KLF15: variants seen among roughly 807,000 people sequenced by gnomAD.
KLF15 encodes Krueppel-like factor 15.
KLF15 carries 4 observed loss-of-function variants against 24.6 expected under a neutral mutation model. That is an observed-to-expected ratio of 0.16 (90% CI 0.08 to 0.37). The LOEUF (loss-of-function observed/expected upper bound fraction) is 0.37, where lower values mean the gene tolerates loss of function less well. Ranked by LOEUF, KLF15 falls within the 10% of genes least tolerant of loss-of-function variation. The probability of loss-of-function intolerance (pLI) is 1.00; values close to 1 mark genes in which losing one functional copy is unlikely to be tolerated. For missense variants in KLF15, 496 were observed against 560.6 expected (o/e 0.88, Z 1.16); for synonymous variants, 246 against 236.3 (o/e 1.04, Z -0.37).
chr3:126,316,894 G>A, the KLF15 span, among the ~76,000 whole-genome samples: 1 of 152,286 alleles, frequency 6.6e-6, no homozygotes, highest in South Asian at 2.1e-4. Context: ...CCCTCAGGAA[G>A]GCATGAGAAC....
At chr3:126,292,695 C>G in the KLF15 span, among the ~76,000 whole-genome samples, 3 of 151,742 alleles carry the variant, frequency 2.0e-5, no homozygotes, top group East Asian at 1.9e-4. Flanking sequence ...GGGAGGTGTC[C>G]ATGGGGTTGA....
At position 126,356,018 on chromosome 3, in the gene KLF15, C is replaced by T. The variant is rs111239937; in HGVS notation, c.-26+1219G>A. 6.6e-6 allele frequency among the ~76,000 whole-genome samples: 1 copy of T among 152,206 alleles called. No individual in the cohort carries two copies. The highest frequency in any genetic ancestry group is 2.4e-5 in the African/African-American group (1 of 41,460). On this transcript the variant is annotated intron_variant, in intron 1 of 2. Transcript: ENST00000296233. This position sits in a 1 kb window ranked among gnomAD's most constrained non-coding sequence, Gnocchi z 4.4. ...CCGGGCACAGTCCCCGGCTGGCCGC[C>T]GGACTCCGCCCCCTCCCCTGGCCCG... is the stretch of plus-strand genomic sequence containing the variant.
At chr3:126,355,825 G>C (rs935530763) in intron 1 of KLF15, among the ~76,000 whole-genome samples, 4 of 152,236 alleles carry the variant, frequency 2.6e-5, no homozygotes, top group Non-Finnish European at 5.9e-5. Context: ...CGTCCCAAGG[G>C]GGAAGCACCC....
downstream of KLF15, among the ~76,000 whole-genome samples, chr3:126,341,701 A>C (rs1233452769): frequency 6.6e-6 from 1 of 152,138 alleles, no homozygotes; most frequent in Non-Finnish European, 1.5e-5. Flanking sequence ...ACAGACCCCC[A>C]CATTCAGACA....
chr3:126,318,876 G>A, the KLF15 span, among the ~76,000 whole-genome samples: 1 of 152,072 alleles, frequency 6.6e-6, no homozygotes, highest in African/African-American at 2.4e-5. Context: ...ACATTCTGTG[G>A]GTTTTGACAA....
At chr3:126,332,087 C>A in the KLF15 span, among the ~76,000 whole-genome samples, 2 of 152,166 alleles carry the variant, frequency 1.3e-5, no homozygotes, top group Non-Finnish European at 2.9e-5. Flanking sequence ...AGGAGGCCTG[C>A]CTGTCTCTGT....
chr3:126,317,430 C>G, the KLF15 span, among the ~76,000 whole-genome samples: 1 of 152,124 alleles, frequency 6.6e-6, no homozygotes, highest in African/African-American at 2.4e-5. Flanking sequence ...AACTGGTGAT[C>G]AGCAACTTCG....
In KLF15 at chr3:126,352,952, AG is replaced by A; in HGVS notation, c.-25-6del. Reference sequence around the variant, plus strand: ...GCCTGGCCGTGCCGGTGGCGGCTGCAGGAAAGGAACACAGGAGGCCTGGTCA... The same window carrying A: ...GCCTGGCCGTGCCGGTGGCGGCTGCAGAAAGGAACACAGGAGGCCTGGTCA... On this transcript the variant is annotated splice_region_variant and splice_polypyrimidine_tract_variant and intron_variant, in intron 1 of 2. Transcript: ENST00000296233. The A allele has an allele frequency of 1.9e-6, 3 of 1,571,392 alleles. No homozygotes were observed. Among genetic ancestry groups the A allele is most frequent in the Non-Finnish European group, 2.6e-6 (3 of 1,157,336 alleles).
chr3:126,308,177 C>T, the KLF15 span, among the ~76,000 whole-genome samples: 1 of 152,340 alleles, frequency 6.6e-6, no homozygotes, highest in South Asian at 2.1e-4. Context: ...AGCGCGCTGC[C>T]CTGGCAACCC....
the KLF15 span, among the ~76,000 whole-genome samples, chr3:126,314,082 T>A: frequency 2.7e-3 from 415 of 152,296 alleles, 4 homozygotes; most frequent in African/African-American, 9.7e-3. Flanking sequence ...TTGCTCTTTA[T>A]ACAAAAGCTT....
downstream of KLF15, among the ~76,000 whole-genome samples, chr3:126,338,996 A>C (rs1039898499): frequency 3.3e-5 from 5 of 152,264 alleles, no homozygotes; most frequent in Non-Finnish European, 7.4e-5. Flanking sequence ...TGCGATCTCT[A>C]TCAGTGCTGG....
At position 126,352,960 on chromosome 3, in the gene KLF15, AAC is replaced by A. The variant is rs1203255145; in HGVS notation, c.-25-15_-25-14del. On this transcript the variant is annotated splice_polypyrimidine_tract_variant and intron_variant, in intron 1 of 2. Coordinates refer to ENST00000296233, the MANE Select transcript of KLF15 (RefSeq NM_014079.4). The stretch of plus-strand genomic sequence containing the variant: ...GTGCCGGTGGCGGCTGCAGGAAAGG[AAC>A]ACAGGAGGCCTGGTCAGAAGGACAG... 1 of 1,566,122 alleles carries A rather than the reference AAC, an allele frequency of 6.4e-7. No homozygotes were observed. The highest frequency in any genetic ancestry group is 1.2e-5 in the South Asian group (1 of 81,774).
Position 126,343,447 on chromosome 3 carries a change from G to A in KLF15, c.*280C>T. 1 of 404,212 alleles carries A rather than the reference G, an allele frequency of 2.5e-6. No individual in the cohort carries two copies. The highest frequency in any genetic ancestry group is 4.4e-6 in the Non-Finnish European group (1 of 228,456). The allele number at this position is 404,212 out of a possible 1,614,324, so 25.0% of individuals were successfully genotyped here. A position where few individuals can be genotyped will look rare whatever the true frequency, so the allele number is the denominator to read the frequency against. On this transcript the variant is annotated 3_prime_UTR_variant, in exon 3 of 3. Transcript: ENST00000296233. ...CCTGCAACCAGCGGCTGCAGCAGAG[G>A]CCTGGCCACCGCGGGAAGGCACGAA...
chr3:126,323,422 T>TA, the KLF15 span, among the ~76,000 whole-genome samples: 497 of 16,156 alleles, frequency 0.031, 21 homozygotes, highest in African/African-American at 0.067. Context: ...TATATATATA[T>TA]ATATATATAT....
At chr3:126,341,510 AGT>A (rs1231366504), downstream of KLF15, among the ~76,000 whole-genome samples, 1 of 152,178 alleles carries the variant, frequency 6.6e-6, no homozygotes, top group African/African-American at 2.4e-5. Context: ...GCTTCCCTAG[AGT>A]GTGTTTGCCC....
the KLF15 span, among the ~76,000 whole-genome samples, chr3:126,297,709 T>A: frequency 6.6e-6 from 1 of 152,232 alleles, no homozygotes; most frequent in South Asian, 2.1e-4. Flanking sequence ...TTGGTTTTCT[T>A]TTTCTGAGTT....
At chr3:126,294,383 C>T in the KLF15 span, among the ~76,000 whole-genome samples, 1 of 152,206 alleles carries the variant, frequency 6.6e-6, no homozygotes, top group South Asian at 2.1e-4. Context: ...TTTTACTATC[C>T]TCTGGTGATG....
the KLF15 span, among the ~76,000 whole-genome samples, chr3:126,323,010 A>C: frequency 3.5e-5 from 5 of 144,238 alleles, no homozygotes; most frequent in Admixed American, 1.4e-4. Context: ...ATATGTGTAC[A>C]AGCCTGTTCT....
chr3:126,288,484 C>A, the KLF15 span: 1 of 152,338 alleles, frequency 6.6e-6, no homozygotes, highest in Non-Finnish European at 1.5e-5. Flanking sequence ...AGTCCCCACG[C>A]GAGTCGCCCC....
Sources: allele counts gnomAD v4.1 joint callset (sites outside exome capture counted in the v4.1 genomes callset), GRCh38; gene constraint gnomAD v4.1.1; non-coding constraint Gnocchi (gnomAD v3.1); transcripts MANE v1.5; gene names NCBI Gene and HGNC (gene_info 2026-07-23, HGNC 2026-07-21).